Variants in CCDC30 observed in about 807,000 individuals in gnomAD.
CCDC30 encodes the protein coiled-coil domain-containing protein 30.
In CCDC30, 70 loss-of-function variants were observed where a neutral mutation model predicts 100.2. That is an observed-to-expected ratio of 0.70 (90% CI 0.58 to 0.85). The LOEUF (loss-of-function observed/expected upper bound fraction) is 0.85, where lower values mean the gene tolerates loss of function less well. Among genes scored for constraint, CCDC30 ranks in the 40% least tolerant of loss-of-function variants. CCDC30 has a pLI of 0.00. For missense variants in CCDC30, 652 were observed against 771.2 expected, an observed-to-expected ratio of 0.85 and a Z score of 1.83; for synonymous variants, 233 against 269.5, an observed-to-expected ratio of 0.86 and a Z score of 1.33.
intron 3 of CCDC30, among the ~76,000 whole-genome samples, chr1:42,485,111 A>G (rs1644029094): frequency 6.6e-6 from 1 of 152,186 alleles, no homozygotes; most frequent in African/African-American, 2.4e-5. Flanking sequence ...TCATAAGTGA[A>G]TGAAATGATG....
the CCDC30 span, chr1:42,457,567 G>A: frequency 1.2e-5 from 7 of 579,614 alleles, no homozygotes; most frequent in South Asian, 1.4e-4. Flanking sequence ...CTCTAGTGGA[G>A]GTATGTACAA....
intron 10 of CCDC30, among the ~76,000 whole-genome samples, chr1:42,608,365 C>T (rs1454790414): frequency 6.6e-6 from 1 of 152,202 alleles, no homozygotes; most frequent in Non-Finnish European, 1.5e-5. Context: ...TGGCAAGTGA[C>T]AGGCACGGAC....
At chr1:42,492,771 C>T (rs184675928) in intron 4 of CCDC30, among the ~76,000 whole-genome samples, 7 of 152,074 alleles carry the variant, frequency 4.6e-5, no homozygotes, top group African/African-American at 4.8e-5. Flanking sequence ...CTCAGCCTCC[C>T]GAGTAGCTGG....
chr1:42,622,171 T>C (rs1646851080), intron 11 of CCDC30, among the ~76,000 whole-genome samples: 1 of 152,186 alleles, frequency 6.6e-6, no homozygotes, highest in South Asian at 2.1e-4. Flanking sequence ...ATCCCACAAA[T>C]AAATGAGAAC....
chr1:42,485,771 G>T (rs1644039620), intron 3 of CCDC30, among the ~76,000 whole-genome samples: 1 of 152,138 alleles, frequency 6.6e-6, no homozygotes, highest in African/African-American at 2.4e-5. Flanking sequence ...AGTATGTGAG[G>T]TGATAGATGT....
At position 42,567,962 on chromosome 1, in the gene CCDC30, AT is replaced by A. The variant is rs200829603; in HGVS notation, c.636+1495del. On this transcript the variant is annotated intron_variant, in intron 7 of 16. Coordinates refer to ENST00000668663, the Ensembl canonical transcript of CCDC30. ...AAATTTAAAAAAAAAGAGAGAGAGA[AT>A]TTTTTTTGTCTATTTTAATCTCCAT... 2.6e-4 allele frequency among the ~76,000 whole-genome samples: 39 copies of A among 151,964 alleles called. No individual in the cohort carries two copies. The East Asian group carries it at 6.6e-3, about 26-fold the overall frequency.
In CCDC30 at chr1:42,621,143, A is replaced by T. The variant is rs540723048; in HGVS notation, c.1277+10053A>T. Among the ~76,000 whole-genome samples the T allele has an allele frequency of 5.9e-5, 9 of 152,252 alleles. No homozygotes were observed. In the South Asian group the frequency reaches 1.9e-3, roughly 32 times the overall value. Reference sequence around the variant, plus strand: ...GTTACAAGTGGATTTTTAAACAAAAATTTTATTTTTAATTTTTATAGGTAC... The same window carrying T: ...GTTACAAGTGGATTTTTAAACAAAATTTTTATTTTTAATTTTTATAGGTAC... On this transcript the variant is annotated intron_variant, in intron 11 of 16. Transcript: ENST00000668663.
rs1313773659 is a variant in CCDC30, at chr1:42,498,922, G to A, written c.456+6G>A. 3.3e-6 allele frequency: 4 copies of A among 1,220,856 alleles called. No individual in the cohort carries two copies. The highest frequency in any genetic ancestry group is 1.6e-5 in the African/African-American group (1 of 64,198). The allele number at this position is 1,220,856 out of a possible 1,614,324, so 75.6% of individuals were successfully genotyped here. ...GTGGTGAACAGAGAGAACAGGTATT[G>A]TATTTTAAAGTTCTGTTCTTTCTGA... On this transcript the variant is annotated splice_donor_region_variant and intron_variant, in intron 6 of 16. Transcript: ENST00000668663.
intron 6 of CCDC30, among the ~76,000 whole-genome samples, chr1:42,529,430 C>T (rs952682031): frequency 6.6e-6 from 1 of 152,064 alleles, no homozygotes. Flanking sequence ...TGAGATCATG[C>T]CACTGCACTC....
intron 11 of CCDC30, among the ~76,000 whole-genome samples, chr1:42,636,965 C>CAAAAAAAAAAAAAAAAAAA (rs1166253995): frequency 3.4e-5 from 1 of 29,508 alleles, no homozygotes; most frequent in Non-Finnish European, 6.4e-5. Flanking sequence ...GACTCCATCT[C>CAAAAAAAAAAAAAAAAAAA]AAAAAAAAAA....
chr1:42,638,185 G>A (rs55826845), intron 12 of CCDC30, among the ~76,000 whole-genome samples: 9,116 of 152,212 alleles, frequency 0.06, 372 homozygotes, highest in Non-Finnish European at 0.094. Context: ...CACAAATATT[G>A]CATTCTTAGT....
At chr1:42,460,955 A>T (rs2148423250), upstream of CCDC30, among the ~76,000 whole-genome samples, 1 of 152,372 alleles carries the variant, frequency 6.6e-6, no homozygotes, top group South Asian at 2.1e-4. Flanking sequence ...ATCCTTGAGA[A>T]TCTTTGAAAA....
At position 42,608,716 on chromosome 1, in the gene CCDC30, C is replaced by CAAAA. The variant is rs3044834; in HGVS notation, c.1165-2241_1165-2238dup. Among the ~76,000 whole-genome samples the CAAAA allele has an allele frequency of 1.1e-3, 59 of 55,302 alleles. 1 individual carries two copies. The highest frequency in any genetic ancestry group is 2.3e-3 in the East Asian group (4 of 1,732). The allele number at this position is 55,302 out of a possible 152,430, so 36.3% of individuals were successfully genotyped here. On this transcript the variant is annotated intron_variant, in intron 10 of 16. Coordinates refer to ENST00000668663, the Ensembl canonical transcript of CCDC30. ...AGAGCGCGACTCCGTCTCTCTGTCT[C>CAAAA]AAAAAAAAAAAAAAAAAAAAAAAAG...
At chr1:42,583,622 T>G (rs537227133) in intron 9 of CCDC30, among the ~76,000 whole-genome samples, 24 of 152,220 alleles carry the variant, frequency 1.6e-4, no homozygotes, top group Non-Finnish European at 3.4e-4. Flanking sequence ...TCCCAGTTTC[T>G]TCTATTTCAG....
intron 6 of CCDC30, among the ~76,000 whole-genome samples, chr1:42,564,188 A>G (rs752164324): frequency 6.6e-6 from 1 of 152,222 alleles, no homozygotes; most frequent in Non-Finnish European, 1.5e-5. Context: ...TTCTTTATCT[A>G]TTCAGCATAC....
chr1:42,550,772 C>G (rs367566018), intron 6 of CCDC30, among the ~76,000 whole-genome samples: 68 of 152,280 alleles, frequency 4.5e-4, no homozygotes, highest in Non-Finnish European at 8.7e-4. Context: ...TATGTGAGGG[C>G]ACAGACCTGG....
chr1:42,653,552 A>G, intron 16 of CCDC30, 109 bp downstream of exon 20: 3 of 741,796 alleles, frequency 4.0e-6, no homozygotes, highest in Non-Finnish European at 7.0e-6. Context: ...TTGAGAAGGC[A>G]TAGCTTTCTG....
chr1:42,488,606 C>T (rs963357975), intron 3 of CCDC30, among the ~76,000 whole-genome samples: 5 of 152,082 alleles, frequency 3.3e-5, no homozygotes, highest in Admixed American at 2.6e-4. Context: ...GTGCCCAACC[C>T]CAGAAAGCTA....
In CCDC30 at chr1:42,618,360, C is replaced by A. The variant is rs578255305; in HGVS notation, c.1277+7270C>A. On this transcript the variant is annotated intron_variant, in intron 11 of 16. Transcript: ENST00000668663. ...CAAGCAATTCTTCTGCCTCAGCCTC[C>A]CGAGTAGCTGGGATTACAGGCATGT... 3.3e-5 allele frequency among the ~76,000 whole-genome samples: 5 copies of A among 151,828 alleles called. No homozygotes were observed. The South Asian group carries it at 8.3e-4, about 25-fold the overall frequency.
Sources: allele counts gnomAD v4.1 joint callset (sites outside exome capture counted in the v4.1 genomes callset), GRCh38; gene constraint gnomAD v4.1.1; transcripts MANE v1.5; gene names NCBI Gene and HGNC (gene_info 2026-07-23, HGNC 2026-07-21).